The following RGS6 variants were observed in gnomAD, a reference collection of about 807,000 sequenced individuals.
The protein encoded by RGS6 is regulator of G protein signaling 6, also known as regulator of G-protein signaling 6.
Under a neutral mutation model 78.5 loss-of-function variants are expected in RGS6, and 30 were observed. The ratio of observed to expected loss-of-function variants is 0.38; its 90% confidence interval spans 0.29 to 0.52. RGS6 has a LOEUF of 0.52. Ranked by LOEUF, RGS6 falls within the 20% of genes least tolerant of loss-of-function variation. The pLI is 0.85. For synonymous variants in RGS6, 206 were observed against 206.0 expected (o/e 1.00, Z 0.00); for missense variants, 495 against 609.7 (o/e 0.81, Z 1.98).
chr14:72,353,748 T>C (rs1391040399), intron 3 of RGS6, among the ~76,000 whole-genome samples: 1 of 152,034 alleles, frequency 6.6e-6, no homozygotes, highest in African/African-American at 2.4e-5. Context: ...TTTAGGAGGC[T>C]GAGGTAGGGG....
rs73299149 is a variant in RGS6, at chr14:72,206,754, A to T, written c.85-145341A>T. ...GCAGGAAAGACCCATCCCATAATTC[A>T]ATCATCTCCCACTGGGTTCCTCCCA... On this transcript the variant is annotated intron_variant, in intron 2 of 17. Coordinates refer to ENST00000553525, the MANE Select transcript of RGS6 (RefSeq NM_001204424.2). 2.0e-3 allele frequency among the ~76,000 whole-genome samples: 304 copies of T among 152,234 alleles called. 2 individuals carry two copies. Among genetic ancestry groups the T allele is most frequent in the African/African-American group, 6.8e-3 (284 of 41,556 alleles).
chr14:71,885,245 C>A, the RGS6 span, among the ~76,000 whole-genome samples: 77 of 152,232 alleles, frequency 5.1e-4, no homozygotes, highest in African/African-American at 1.8e-3. Context: ...TCTACTCCGT[C>A]GACACTAAAG....
intron 3 of RGS6, among the ~76,000 whole-genome samples, chr14:72,372,677 T>G (rs909763691): frequency 6.6e-6 from 1 of 152,182 alleles, no homozygotes; most frequent in Non-Finnish European, 1.5e-5. Flanking sequence ...AAGAACACTT[T>G]CTAAATCTAA....
chr14:71,869,316 A>G, the RGS6 span, among the ~76,000 whole-genome samples: 2 of 152,198 alleles, frequency 1.3e-5, no homozygotes, highest in African/African-American at 4.8e-5. Flanking sequence ...CATTATACCA[A>G]CAAGTGATCA....
the RGS6 span, among the ~76,000 whole-genome samples, chr14:72,629,162 A>G: frequency 2.6e-5 from 4 of 152,208 alleles, no homozygotes; most frequent in Non-Finnish European, 5.9e-5. Context: ...TATCCTTTTG[A>G]GATACATATG....
At chr14:72,528,959 A>G (rs2097150205) in intron 15 of RGS6, among the ~76,000 whole-genome samples, 1 of 152,174 alleles carries the variant, frequency 6.6e-6, no homozygotes, top group Admixed American at 6.5e-5. Context: ...GCAGTGATAA[A>G]CTCATTGCAT....
chr14:72,196,395 A>G (rs2040159775), intron 2 of RGS6, among the ~76,000 whole-genome samples: 2 of 152,184 alleles, frequency 1.3e-5, no homozygotes, highest in Non-Finnish European at 2.9e-5. Context: ...AGTGGCTGAG[A>G]ATGCTACTGT....
chr14:72,499,416 G>A (rs1286743953), intron 13 of RGS6, among the ~76,000 whole-genome samples: 1 of 152,164 alleles, frequency 6.6e-6, no homozygotes, highest in Non-Finnish European at 1.5e-5. Flanking sequence ...CTTGTCTGAT[G>A]CCACCCACTG....
intron 3 of RGS6, among the ~76,000 whole-genome samples, chr14:72,403,226 T>A (rs2092628424): frequency 6.6e-6 from 1 of 152,160 alleles, no homozygotes; most frequent in African/African-American, 2.4e-5. Context: ...GATGAATGGA[T>A]AAAGAAAGTG....
chr14:72,313,889 A>G (rs2069320754), intron 2 of RGS6, among the ~76,000 whole-genome samples: 2 of 152,264 alleles, frequency 1.3e-5, no homozygotes, highest in African/African-American at 4.8e-5. Context: ...ATTGAGGCAG[A>G]TTAGTTGTAA....
At chr14:72,532,774 G>A (rs2097198891) in intron 15 of RGS6, among the ~76,000 whole-genome samples, 1 of 152,242 alleles carries the variant, frequency 6.6e-6, no homozygotes, top group African/African-American at 2.4e-5. Flanking sequence ...CCAGAGCAAG[G>A]ACCTACCTTG....
At chr14:72,338,270 G>T (rs1039575731) in intron 2 of RGS6, among the ~76,000 whole-genome samples, 2 of 152,252 alleles carry the variant, frequency 1.3e-5, no homozygotes, top group African/African-American at 4.8e-5. Context: ...CAGACTCACG[G>T]TTCCACGTGG....
At chr14:72,350,585 T>C (rs899784923) in intron 2 of RGS6, among the ~76,000 whole-genome samples, 42 of 152,236 alleles carry the variant, frequency 2.8e-4, no homozygotes, top group African/African-American at 9.6e-4. Flanking sequence ...TGAGAAACTC[T>C]CCAGAATTCT....
the RGS6 span, among the ~76,000 whole-genome samples, chr14:72,596,172 T>C: frequency 6.6e-6 from 1 of 152,236 alleles, no homozygotes; most frequent in Non-Finnish European, 1.5e-5. Flanking sequence ...AGGGCTGCAT[T>C]CCTTTCAGGC....
intron 2 of RGS6, among the ~76,000 whole-genome samples, chr14:71,967,442 G>C (rs1595379847): frequency 1.3e-5 from 2 of 152,188 alleles, no homozygotes; most frequent in East Asian, 3.9e-4. Flanking sequence ...GAACTTACTT[G>C]CTGTAGGACA....
chr14:72,502,899 G>A (rs552073451), intron 13 of RGS6, among the ~76,000 whole-genome samples: 5 of 152,128 alleles, frequency 3.3e-5, no homozygotes, highest in Admixed American at 6.5e-5. Context: ...TCTGAGATGG[G>A]GACATTGGAT....
intron 3 of RGS6, among the ~76,000 whole-genome samples, chr14:72,444,340 G>C (rs1281697697): frequency 6.6e-6 from 1 of 152,058 alleles, no homozygotes; most frequent in African/African-American, 2.4e-5. Context: ...AAATATCAGA[G>C]AATGGGGAAG....
chr14:71,940,052 C>T (rs1405474252), intron 1 of RGS6, among the ~76,000 whole-genome samples: 1 of 152,094 alleles, frequency 6.6e-6, no homozygotes, highest in African/African-American at 2.4e-5. Flanking sequence ...GTCCAGGGAC[C>T]CACTGGACAC....
intron 3 of RGS6, among the ~76,000 whole-genome samples, chr14:72,441,810 A>G (rs571905260): frequency 3.5e-4 from 53 of 152,338 alleles, no homozygotes; most frequent in Non-Finnish European, 5.7e-4. Context: ...ATGGTGCACC[A>G]TCGTTCTGCA....
Sources: gnomAD v4.1 joint callset for allele counts (sites outside exome capture counted in the v4.1 genomes callset) on GRCh38, gnomAD v4.1.1 for gene constraint, MANE v1.5 for transcripts, NCBI Gene and HGNC (gene_info 2026-07-23, HGNC 2026-07-21) for gene names.